The following GRIN2B variants were observed in gnomAD, a reference collection of about 807,000 sequenced individuals.
GRIN2B encodes the protein glutamate ionotropic receptor NMDA type subunit 2B.
A neutral mutation model predicts 114.5 loss-of-function variants in GRIN2B; 5 were observed. The ratio of observed to expected loss-of-function variants is 0.04; its 90% CI spans 0.02 to 0.09. The LOEUF is 0.09. Ranked by LOEUF, GRIN2B falls within the 10% of genes least tolerant of loss-of-function variation. The probability of loss-of-function intolerance (pLI) is 1.00; values close to 1 mark genes in which losing one functional copy is unlikely to be tolerated. For missense variants in GRIN2B, 1,108 were observed against 1,943.5 expected (o/e 0.57, Z 8.08); for synonymous variants, 787 against 745.1 (o/e 1.06, Z -0.92).
At chr12:13,729,245 A>G (rs969670145) in intron 4 of GRIN2B, among the ~76,000 whole-genome samples, 4 of 152,176 alleles carry the variant, frequency 2.6e-5, no homozygotes, top group African/African-American at 4.8e-5. Flanking sequence ...GTTAATGTAG[A>G]TAAGTCCTTG....
chr12:13,634,389 G>A (rs917047879), intron 5 of GRIN2B: 7 of 152,176 alleles, frequency 4.6e-5, no homozygotes, highest in South Asian at 4.1e-4. Context: ...TTTCTAGCTC[G>A]TGTAACCACA....
intron 4 of GRIN2B, among the ~76,000 whole-genome samples, chr12:13,744,921 C>CAGTGCT (rs1214099494): frequency 6.6e-6 from 1 of 152,160 alleles, no homozygotes; most frequent in Non-Finnish European, 1.5e-5. Flanking sequence ...GCCCTATCTA[C>CAGTGCT]AGTGCTGTTC....
At chr12:13,855,092 C>T (rs948632083) in intron 3 of GRIN2B, among the ~76,000 whole-genome samples, 1 of 145,940 alleles carries the variant, frequency 6.9e-6, no homozygotes, top group Non-Finnish European at 1.5e-5. Flanking sequence ...GTGGTGCATG[C>T]CTGTAATCCC....
rs1261334023 is a variant in GRIN2B, at chr12:13,981,496, C to G, written c.-602G>C. 1 of 152,084 alleles carries G rather than the reference C, an allele frequency of 6.6e-6. No homozygotes were observed. Among genetic ancestry groups the G allele is most frequent in the Non-Finnish European group, 1.5e-5 (1 of 68,048 alleles). 9.4% of individuals were successfully genotyped at this position (152,084 alleles called of 1,614,324 possible). ...TTTGCAAGGCAAAAGGATATGCATT[C>G]GGACGCCAGCACTACTGGATGGTGG... On this transcript the variant is annotated 5_prime_UTR_variant, in exon 1 of 14. Coordinates refer to ENST00000609686, the MANE Select transcript of GRIN2B (RefSeq NM_000834.5).
chr12:13,797,626 A>C (rs74823036), intron 3 of GRIN2B, among the ~76,000 whole-genome samples: 125 of 152,346 alleles, frequency 8.2e-4, no homozygotes, highest in African/African-American at 3.0e-3. Flanking sequence ...CTAATGTAAC[A>C]ACCAACTGGT....
At chr12:13,713,346 A>G (rs10772705) in intron 4 of GRIN2B, among the ~76,000 whole-genome samples, 85,605 of 151,620 alleles carry the variant, frequency 0.56, 24,500 homozygotes, top group African/African-American at 0.65. Context: ...GCAAGTGATC[A>G]TGAAAGAACA....
At chr12:13,895,857 T>C (rs1407703540) in intron 2 of GRIN2B, among the ~76,000 whole-genome samples, 1 of 152,204 alleles carries the variant, frequency 6.6e-6, no homozygotes, top group Non-Finnish European at 1.5e-5. Flanking sequence ...TGTTGGCTCT[T>C]TTTTAAGAGT....
At position 13,866,347 on chromosome 12, in the gene GRIN2B, C is replaced by G. The variant is rs1238538684; in HGVS notation, c.-18-121G>C. On this transcript the variant is annotated intron_variant, in intron 2 of 13. Transcript: ENST00000609686. Reference sequence around the variant, plus strand: ...CTTTCATTGAGCACCAAACCCAACTCCATCTACCAGCCTACTCTCTTATCT... The same window carrying G: ...CTTTCATTGAGCACCAAACCCAACTGCATCTACCAGCCTACTCTCTTATCT... The G allele has an allele frequency of 3.7e-6, 3 of 804,328 alleles. 1 individual carries two copies. In the Admixed American group the frequency reaches 6.0e-5, roughly 16 times the overall value. 49.8% of individuals were successfully genotyped at this position (804,328 alleles called of 1,614,324 possible). A position where few individuals can be genotyped will look rare whatever the true frequency, so the allele number is the denominator to read the frequency against.
intron 2 of GRIN2B, among the ~76,000 whole-genome samples, chr12:13,930,644 G>A (rs568888558): frequency 1.3e-5 from 2 of 152,320 alleles, no homozygotes; most frequent in South Asian, 4.1e-4. Context: ...TCCACAGAAT[G>A]TATGAAGCAG....
chr12:13,653,091 T>A (rs565807647), intron 5 of GRIN2B, among the ~76,000 whole-genome samples: 1 of 152,194 alleles, frequency 6.6e-6, no homozygotes, highest in South Asian at 2.1e-4. Flanking sequence ...CAGTAATTCA[T>A]GCAATCAATG....
chr12:13,794,803 T>G (rs1013741631), intron 3 of GRIN2B, among the ~76,000 whole-genome samples: 2 of 152,212 alleles, frequency 1.3e-5, no homozygotes, highest in Non-Finnish European at 2.9e-5. Context: ...ACAATCTAAT[T>G]CAGGTTTTGT....
chr12:13,558,552 C>T lies in GRIN2B; in HGVS notation c.*4231G>A, dbSNP rs1340807756. On this transcript the variant is annotated 3_prime_UTR_variant, in exon 14 of 14. Transcript: ENST00000609686. The stretch of plus-strand genomic sequence containing the variant: ...GGTGACCAGCACTCTGCAGAGAATT[C>T]TCCCTTGGGCAACTCCTGATGGCCA... 1 of 151,970 alleles carries T rather than the reference C, an allele frequency of 6.6e-6. No homozygotes were observed. Among genetic ancestry groups the T allele is most frequent in the Non-Finnish European group, 1.5e-5 (1 of 68,020 alleles). The allele number at this position is 151,970 out of a possible 1,614,324, so 9.4% of individuals were successfully genotyped here.
intron 3 of GRIN2B, among the ~76,000 whole-genome samples, chr12:13,819,436 T>C (rs1458409853): frequency 6.6e-6 from 1 of 152,200 alleles, no homozygotes; most frequent in Non-Finnish European, 1.5e-5. Flanking sequence ...GCTACACTCA[T>C]GTTGTCCAAA....
intron 9 of GRIN2B, among the ~76,000 whole-genome samples, chr12:13,611,173 G>C (rs1232583429): frequency 6.6e-6 from 1 of 152,128 alleles, no homozygotes; most frequent in Non-Finnish European, 1.5e-5. Context: ...AGTGAGAATT[G>C]GTCTTTCCCA....
intron 10 of GRIN2B, among the ~76,000 whole-genome samples, chr12:13,602,969 CA>C (rs1949182837): frequency 6.6e-6 from 1 of 152,192 alleles, no homozygotes; most frequent in South Asian, 2.1e-4. Context: ...AATGGTCAAA[CA>C]GCAAACTTCT....
At chr12:13,820,192 T>G (rs1864907701) in intron 3 of GRIN2B, among the ~76,000 whole-genome samples, 1 of 152,152 alleles carries the variant, frequency 6.6e-6, no homozygotes, top group Non-Finnish European at 1.5e-5. Context: ...ACAGTCCCCA[T>G]GGAGCCCACA....
At chr12:13,565,616 G>C (rs1023402473) in intron 13 of GRIN2B, among the ~76,000 whole-genome samples, 2 of 152,068 alleles carry the variant, frequency 1.3e-5, no homozygotes, top group Non-Finnish European at 2.9e-5. Flanking sequence ...TTCCCTGCCT[G>C]GAAAGGTGGA....
At position 13,911,340 on chromosome 12, in the gene GRIN2B, GC is replaced by G. The variant is rs573273310; in HGVS notation, c.-18-45115del. 1.9e-4 allele frequency among the ~76,000 whole-genome samples: 29 copies of G among 152,298 alleles called. No homozygotes were observed. In the South Asian group the frequency reaches 6.0e-3, roughly 32 times the overall value. ...CAGATGTCAGATCTGTGCACATCAA[GC>G]CTTGCTAGAAGTCAGGGGCAAGGAT... On this transcript the variant is annotated intron_variant, in intron 2 of 13. Coordinates refer to ENST00000609686, the MANE Select transcript of GRIN2B (RefSeq NM_000834.5).
chr12:13,717,639 C>T (rs1336216581), intron 4 of GRIN2B, among the ~76,000 whole-genome samples: 1 of 151,942 alleles, frequency 6.6e-6, no homozygotes, highest in African/African-American at 2.4e-5. Flanking sequence ...CAAGAACTCA[C>T]AAAATCATAA....
Sources: gnomAD v4.1 joint callset for allele counts (sites outside exome capture counted in the v4.1 genomes callset) on GRCh38, gnomAD v4.1.1 for gene constraint, MANE v1.5 for transcripts, NCBI Gene and HGNC (gene_info 2026-07-23, HGNC 2026-07-21) for gene names.